The following MMP26 variants were observed in gnomAD, a reference collection of about 807,000 sequenced individuals.
MMP26 encodes matrix metallopeptidase 26.
Under a neutral mutation model 31.0 loss-of-function variants are expected in MMP26, and 33 were observed. The observed-to-expected ratio is 1.06, with a 90% CI of 0.81 to 1.42. MMP26 has a LOEUF of 1.42. Among genes scored for constraint, MMP26 ranks in the 40% most tolerant of loss-of-function variants. The probability of loss-of-function intolerance (pLI) is 0.00; values close to 1 mark genes in which losing one functional copy is unlikely to be tolerated. For missense variants in MMP26, 347 were observed against 316.1 expected (o/e 1.10, Z -0.74); for synonymous variants, 122 against 114.9 (o/e 1.06, Z -0.40).
At chr11:4,723,345 G>A in intron 1 of MMP26, 1 of 970,410 alleles carries the variant, frequency 1.0e-6, no homozygotes. Flanking sequence ...TCTGGTGCAT[G>A]CTCTCAGCCT....
At chr11:4,806,683 G>T (rs1325874866) in intron 2 of MMP26, among the ~76,000 whole-genome samples, 1 of 152,106 alleles carries the variant, frequency 6.6e-6, no homozygotes, top group Non-Finnish European at 1.5e-5. Context: ...ATAACAGACT[G>T]GGAGAAATAG....
chr11:4,959,005 G>A (rs1280943672), intron 2 of MMP26, among the ~76,000 whole-genome samples: 1 of 152,132 alleles, frequency 6.6e-6, no homozygotes, highest in Admixed American at 6.5e-5. Flanking sequence ...TTGGGAGGCC[G>A]AGGCGGGCAG....
chr11:4,764,834 C>T (rs1172278296), intron 1 of MMP26, among the ~76,000 whole-genome samples: 1 of 151,994 alleles, frequency 6.6e-6, no homozygotes, highest in Non-Finnish European at 1.5e-5. Context: ...GATCGCGCAG[C>T]GCCACTGCAC....
intron 2 of MMP26, chr11:4,946,431 T>G (rs945282081): frequency 6.2e-7 from 1 of 1,610,132 alleles, no homozygotes; most frequent in Non-Finnish European, 8.5e-7. Flanking sequence ...AGTACAGTCT[T>G]GAGGATCAGG....
rs1188080715 is a variant in MMP26 at position 4,951,112 on chromosome 11, T to A, written c.-144-36956T>A. On this transcript the variant is annotated intron_variant, in intron 2 of 7. Coordinates refer to ENST00000380390, the MANE Select transcript of MMP26 (RefSeq NM_021801.5). ...ATTAGCCAACATTTGAAAAAGACTC[T>A]AATATTCATCAACATGTGAATGGGT... Among the ~76,000 whole-genome samples the A allele has an allele frequency of 1.6e-5, 2 of 124,956 alleles. 1 individual carries two copies. Among genetic ancestry groups the A allele is most frequent in the Non-Finnish European group, 3.6e-5 (2 of 54,990 alleles). 82.0% of individuals were successfully genotyped at this position (124,956 alleles called of 152,430 possible). A position where few individuals can be genotyped will look rare whatever the true frequency, so the allele number is the denominator to read the frequency against.
intron 1 of MMP26, chr11:4,724,123 G>T: frequency 4.8e-6 from 3 of 622,070 alleles, no homozygotes; most frequent in Non-Finnish European, 8.6e-6. Context: ...AAGTCCTGGG[G>T]GGCTAGAGGT....
chr11:4,779,340 T>G (rs750400650), intron 2 of MMP26, among the ~76,000 whole-genome samples: 45 of 152,196 alleles, frequency 3.0e-4, no homozygotes, highest in Non-Finnish European at 4.9e-4. Flanking sequence ...ATTTTATTAA[T>G]GTGGTAAGAT....
intron 2 of MMP26, among the ~76,000 whole-genome samples, chr11:4,794,566 T>G (rs1362980306): frequency 6.6e-6 from 1 of 152,170 alleles, no homozygotes; most frequent in Non-Finnish European, 1.5e-5. Context: ...TGCATTTTGT[T>G]GCAGCTTATA....
At chr11:4,743,313 C>G (rs565493040) in intron 1 of MMP26, among the ~76,000 whole-genome samples, 11 of 152,166 alleles carry the variant, frequency 7.2e-5, no homozygotes, top group Admixed American at 6.5e-5. Flanking sequence ...AACTCATTTT[C>G]TTGTCAATAT....
chr11:4,831,866 T>C (rs1849650795), intron 2 of MMP26, among the ~76,000 whole-genome samples: 1 of 152,194 alleles, frequency 6.6e-6, no homozygotes, highest in Admixed American at 6.5e-5. Flanking sequence ...GCTAGAAAAT[T>C]ATTCAGAAAT....
chr11:4,901,452 G>C (rs183271394), intron 2 of MMP26, among the ~76,000 whole-genome samples: 59 of 152,142 alleles, frequency 3.9e-4, no homozygotes, highest in African/African-American at 1.4e-3. Flanking sequence ...GAGCCACCAT[G>C]CCCGGCCCCC....
At position 4,804,019 on chromosome 11, in the gene MMP26, A is replaced by G. The variant is rs1488172366; in HGVS notation, c.-145+36678A>G. The G allele has an allele frequency of 2.5e-6, 4 of 1,614,026 alleles. No individual in the cohort carries two copies. In the South Asian group the frequency reaches 4.4e-5, roughly 18 times the overall value. On this transcript the variant is annotated intron_variant, in intron 2 of 7. Transcript: ENST00000380390. ...GATAGCCACGTAGCAGTCCAGGGCC[A>G]TAGCCATGAGCACCCCAGACTCCAC... is the stretch of plus-strand genomic sequence containing the variant.
intron 2 of MMP26, among the ~76,000 whole-genome samples, chr11:4,924,749 A>G (rs1017693987): frequency 6.6e-6 from 1 of 152,198 alleles, no homozygotes; most frequent in African/African-American, 2.4e-5. Flanking sequence ...TAGGTTTGAA[A>G]CACAAGGAGC....
chr11:4,907,974 T>C lies in MMP26; in HGVS notation c.-144-80094T>C, dbSNP rs76648414. On this transcript the variant is annotated intron_variant, in intron 2 of 7. Coordinates refer to ENST00000380390, the MANE Select transcript of MMP26 (RefSeq NM_021801.5). ...ACCAATGTCATCTATGGCTTCTTCA[T>C]TGCTCTCTGTACTATGCTGGACTTG... 2.6e-5 allele frequency: 42 copies of C among 1,614,076 alleles called. No homozygotes were observed. Among genetic ancestry groups the C allele is most frequent in the Non-Finnish European group, 3.5e-5 (41 of 1,180,014 alleles).
intron 1 of MMP26, among the ~76,000 whole-genome samples, chr11:4,726,510 G>C (rs2133280003): frequency 6.6e-6 from 1 of 151,702 alleles, no homozygotes; most frequent in Middle Eastern, 3.4e-3. Context: ...TTTTAGTTTT[G>C]ACCTTGACAG....
intron 1 of MMP26, among the ~76,000 whole-genome samples, chr11:4,756,487 T>C (rs1213510188): frequency 6.6e-6 from 1 of 152,122 alleles, no homozygotes; most frequent in Non-Finnish European, 1.5e-5. Context: ...AATAAGTTTT[T>C]TTTTTAAATT....
intron 2 of MMP26, among the ~76,000 whole-genome samples, chr11:4,771,048 A>T (rs889789709): frequency 6.6e-6 from 1 of 152,200 alleles, no homozygotes; most frequent in Non-Finnish European, 1.5e-5. Context: ...GGTACGGTTT[A>T]TTTTAAGAAA....
intron 2 of MMP26, among the ~76,000 whole-genome samples, chr11:4,846,991 C>A (rs1849879824): frequency 6.6e-6 from 1 of 152,132 alleles, no homozygotes; most frequent in African/African-American, 2.4e-5. Flanking sequence ...CTCTGGGAAC[C>A]AGGGACTGGC....
intron 2 of MMP26, among the ~76,000 whole-genome samples, chr11:4,965,063 T>C (rs1424272949): frequency 6.6e-6 from 1 of 152,194 alleles, no homozygotes; most frequent in Non-Finnish European, 1.5e-5. Context: ...ATGCTGCACA[T>C]GTACCGCTGA....
Sources: gnomAD v4.1 joint callset for allele counts (sites outside exome capture counted in the v4.1 genomes callset) on GRCh38, gnomAD v4.1.1 for gene constraint, MANE v1.5 for transcripts, NCBI Gene and HGNC (gene_info 2026-07-23, HGNC 2026-07-21) for gene names.